CDH12: variants seen among roughly 807,000 people sequenced by gnomAD.
The protein encoded by CDH12 is cadherin-12.
Under a neutral mutation model 74.1 loss-of-function variants are expected in CDH12, and 41 were observed. That is an observed-to-expected ratio of 0.55 (90% CI 0.43 to 0.72). The LOEUF is 0.72. Among genes scored for constraint, CDH12 ranks in the 30% least tolerant of loss-of-function variants. CDH12 has a pLI of 0.00. For missense variants in CDH12, 945 were observed against 977.2 expected (o/e 0.97, Z 0.44); for synonymous variants, 399 against 355.0 (o/e 1.12, Z -1.39).
intron 1 of CDH12, among the ~76,000 whole-genome samples, chr5:22,640,564 T>G (rs1350602620): frequency 1.3e-5 from 2 of 152,192 alleles, no homozygotes; most frequent in African/African-American, 4.8e-5. Flanking sequence ...AACATCTAAT[T>G]TTTTGGCTGC....
intron 1 of CDH12, among the ~76,000 whole-genome samples, chr5:22,572,210 A>C (rs1040065169): frequency 5.3e-5 from 8 of 152,214 alleles, no homozygotes; most frequent in African/African-American, 1.9e-4. Flanking sequence ...CTAACTGGAC[A>C]AAATAAAGTT....
At chr5:21,976,314 G>T (rs1757068229) in intron 5 of CDH12, among the ~76,000 whole-genome samples, 1 of 152,064 alleles carries the variant, frequency 6.6e-6, no homozygotes, top group African/African-American at 2.4e-5. Context: ...AAGCGATAAG[G>T]AAGAGAACTA....
chr5:22,087,144 T>A (rs912196659), intron 4 of CDH12, among the ~76,000 whole-genome samples: 1 of 152,208 alleles, frequency 6.6e-6, no homozygotes, highest in South Asian at 2.1e-4. Flanking sequence ...TAATCATAGG[T>A]AATAATTAAG....
At chr5:22,150,001 A>G (rs534083406) in intron 4 of CDH12, among the ~76,000 whole-genome samples, 2 of 152,220 alleles carry the variant, frequency 1.3e-5, no homozygotes, top group South Asian at 4.1e-4. Context: ...AAATAATAAT[A>G]AATAATAAAA....
chr5:22,235,089 A>G (rs922034050), intron 3 of CDH12, among the ~76,000 whole-genome samples: 2 of 152,152 alleles, frequency 1.3e-5, no homozygotes, highest in African/African-American at 4.8e-5. Context: ...CACATACTTG[A>G]ATTTTATATC....
At chr5:22,767,676 G>T (rs183530098) in intron 1 of CDH12, among the ~76,000 whole-genome samples, 1 of 151,898 alleles carries the variant, frequency 6.6e-6, no homozygotes, top group Admixed American at 6.6e-5. Flanking sequence ...AAAATTAATA[G>T]CCCTAATTAT....
At chr5:21,927,239 G>A (rs188915046) in intron 6 of CDH12, among the ~76,000 whole-genome samples, 1 of 152,276 alleles carries the variant, frequency 6.6e-6, no homozygotes, top group East Asian at 1.9e-4. Flanking sequence ...TTTAAGATGG[G>A]TAAGGAGGAA....
intron 1 of CDH12, among the ~76,000 whole-genome samples, chr5:22,815,727 G>A (rs1749356212): frequency 6.9e-6 from 1 of 145,028 alleles, no homozygotes; most frequent in South Asian, 2.2e-4. Context: ...CTGAGATCAT[G>A]CTGCTGCACT....
At chr5:22,518,862 A>G (rs183899825) in intron 1 of CDH12, among the ~76,000 whole-genome samples, 7 of 152,270 alleles carry the variant, frequency 4.6e-5, no homozygotes, top group African/African-American at 1.7e-4. Flanking sequence ...GAGAAAGTAC[A>G]GGAATTGGTA....
At chr5:22,405,737 G>C (rs1408508974) in intron 2 of CDH12, among the ~76,000 whole-genome samples, 1 of 152,198 alleles carries the variant, frequency 6.6e-6, no homozygotes, top group Non-Finnish European at 1.5e-5. Context: ...AAATACAAGA[G>C]CAAAGCCAGC....
intron 5 of CDH12, among the ~76,000 whole-genome samples, chr5:22,041,040 A>G (rs546881356): frequency 6.6e-6 from 1 of 152,218 alleles, no homozygotes; most frequent in East Asian, 1.9e-4. Flanking sequence ...TCGTGACATC[A>G]AAAATATAAA....
rs542662593 is a variant in CDH12 at position 21,961,503 on chromosome 5, AC to A, written c.526+13587del. Among the ~76,000 whole-genome samples the A allele has an allele frequency of 7.9e-5, 12 of 152,290 alleles. No individual in the cohort carries two copies. In the East Asian group the frequency reaches 9.7e-4, roughly 12 times the overall value. On this transcript the variant is annotated intron_variant, in intron 6 of 14. Coordinates refer to ENST00000382254, the MANE Select transcript of CDH12 (RefSeq NM_004061.5). ...TGGGTTGAATTGTCTGCCAAAAAAAACATATGTTGAAGTCCTTACCCCAGTA... is the reference window on the plus strand; with the variant it reads ...TGGGTTGAATTGTCTGCCAAAAAAAAATATGTTGAAGTCCTTACCCCAGTA...
At chr5:22,124,676 A>T in intron 4 of CDH12, among the ~76,000 whole-genome samples, 1 of 152,242 alleles carries the variant, frequency 6.6e-6, no homozygotes, top group South Asian at 2.1e-4. Context: ...ATTTCAGTTA[A>T]TGTATGGATC....
intron 1 of CDH12, among the ~76,000 whole-genome samples, chr5:22,616,809 T>A (rs1737712777): frequency 6.6e-6 from 1 of 152,018 alleles, no homozygotes; most frequent in Non-Finnish European, 1.5e-5. Flanking sequence ...GTAGGACACT[T>A]GAGAGTTGGT....
At chr5:22,270,058 G>T (rs1431674593) in intron 3 of CDH12, among the ~76,000 whole-genome samples, 1 of 152,076 alleles carries the variant, frequency 6.6e-6, no homozygotes, top group African/African-American at 2.4e-5. Context: ...TTTAAATAAA[G>T]ACATCTTGTA....
chr5:22,088,380 A>G (rs192380665), intron 4 of CDH12, among the ~76,000 whole-genome samples: 1 of 152,104 alleles, frequency 6.6e-6, no homozygotes, highest in African/African-American at 2.4e-5. Context: ...TCTGTTTCAG[A>G]CCCACCAAGT....
intron 2 of CDH12, among the ~76,000 whole-genome samples, chr5:22,443,939 A>G (rs1238157296): frequency 6.6e-6 from 1 of 152,082 alleles, no homozygotes; most frequent in Non-Finnish European, 1.5e-5. Flanking sequence ...TTTAAAATGC[A>G]AATCAGGATT....
intron 5 of CDH12, among the ~76,000 whole-genome samples, chr5:21,981,905 C>A (rs1455466756): frequency 2.0e-5 from 3 of 152,256 alleles, no homozygotes; most frequent in Admixed American, 2.0e-4. Context: ...AACTTCTGGG[C>A]TCAAGCAATC....
At chr5:22,543,383 A>C in intron 1 of CDH12, among the ~76,000 whole-genome samples, 1 of 152,134 alleles carries the variant, frequency 6.6e-6, no homozygotes, top group East Asian at 1.9e-4. Flanking sequence ...TTTATTACTG[A>C]TTATAAAAAG....
Sources: gnomAD v4.1 joint callset for allele counts (sites outside exome capture counted in the v4.1 genomes callset) on GRCh38, gnomAD v4.1.1 for gene constraint, MANE v1.5 for transcripts, NCBI Gene and HGNC (gene_info 2026-07-23, HGNC 2026-07-21) for gene names.